The following SLC16A1 variants were observed in gnomAD, a reference collection of about 807,000 sequenced individuals.
SLC16A1 encodes monocarboxylate transporter 1.
SLC16A1 carries 11 observed loss-of-function variants against 32.2 expected under a neutral mutation model. The ratio of observed to expected loss-of-function variants is 0.34; its 90% CI spans 0.21 to 0.56. SLC16A1 has a LOEUF of 0.56. SLC16A1 is among the 20% of genes least tolerant of loss of function. The pLI is 0.87. For missense variants in SLC16A1, 435 were observed against 615.0 expected, an observed-to-expected ratio of 0.71 and a Z score of 3.10; for synonymous variants, 231 against 226.8, an observed-to-expected ratio of 1.02 and a Z score of -0.17.
intron 1 of SLC16A1, among the ~76,000 whole-genome samples, chr1:112,936,363 C>G (rs1367421160): frequency 6.6e-6 from 1 of 150,884 alleles, no homozygotes; most frequent in African/African-American, 2.4e-5. Context: ...CAAAAATTAG[C>G]TGGGCATGGC....
intron 1 of SLC16A1, among the ~76,000 whole-genome samples, chr1:112,936,458 G>C (rs1419845173): frequency 3.0e-5 from 4 of 131,992 alleles, no homozygotes. Context: ...CTCAGTCTAG[G>C]TGACACAGCA....
intron 2 of SLC16A1, chr1:112,924,321 G>C (rs1443090423): frequency 7.3e-7 from 1 of 1,364,020 alleles, no homozygotes; most frequent in South Asian, 1.2e-5. Context: ...GGTTGCTCAC[G>C]AATGTCCCAA....
intron 1 of SLC16A1, among the ~76,000 whole-genome samples, chr1:112,943,488 C>T (rs1427025746): frequency 6.6e-6 from 1 of 152,090 alleles, no homozygotes; most frequent in Non-Finnish European, 1.5e-5. Context: ...ATTGTTTTTG[C>T]AATTAAAATT....
In SLC16A1 at chr1:112,932,743, G is replaced by A. The variant is rs535660303; in HGVS notation, c.-44-3391C>T. On this transcript the variant is annotated intron_variant, in intron 1 of 4. Coordinates refer to ENST00000369626, the MANE Select transcript of SLC16A1 (RefSeq NM_003051.4). ...CAGGAGGCAGAGGTTGCAGTGAGCC[G>A]AGATCGCGCCATTGCACTCCAGCCT... Among the ~76,000 whole-genome samples the A allele has an allele frequency of 3.7e-3, 510 of 136,348 alleles. 6 individuals carry two copies. Among genetic ancestry groups the A allele is most frequent in the African/African-American group, 0.013 (474 of 35,872 alleles). The allele number at this position is 136,348 out of a possible 152,430, so 89.4% of individuals were successfully genotyped here. A position where few individuals can be genotyped will look rare whatever the true frequency, so the allele number is the denominator to read the frequency against.
Position 112,912,767 on chromosome 1 carries a change from G to C in SLC16A1, c.*1124C>G, listed in dbSNP as rs1648364871. The C allele has an allele frequency of 6.6e-6, 1 of 151,154 alleles. No homozygotes were observed. The highest frequency in any genetic ancestry group is 2.4e-5 in the African/African-American group (1 of 41,094). The allele number at this position is 151,154 out of a possible 1,614,324, so 9.4% of individuals were successfully genotyped here. A position where few individuals can be genotyped will look rare whatever the true frequency, so the allele number is the denominator to read the frequency against. ...AATCCTATCTTTATTCGTTTGCCTGGTGCCAAATTTTTCTGGCCCTTTTTA... is the reference window on the plus strand; with the variant it reads ...AATCCTATCTTTATTCGTTTGCCTGCTGCCAAATTTTTCTGGCCCTTTTTA... On this transcript the variant is annotated 3_prime_UTR_variant, in exon 5 of 5. Transcript: ENST00000369626.
rs757326315 is a variant in SLC16A1, at chr1:112,929,270, G to C, written c.39C>G (p.Pro13=). 1.9e-6 allele frequency: 3 copies of C among 1,614,088 alleles called. No homozygotes were observed. Among genetic ancestry groups the C allele is most frequent in the South Asian group, 1.1e-5 (1 of 91,080 alleles). ...CTGCCCAGCCCCAGCCTCCATCTGGGGGGGTGTATCCAACTGGACCTCCAA... is the reference window on the plus strand; with the variant it reads ...CTGCCCAGCCCCAGCCTCCATCTGGCGGGGTGTATCCAACTGGACCTCCAA... ...PAVGGPVGYT[P]PDGGWGWAVV... is the part of the protein sequence containing the mutation. The change falls in exon 2 of 5, where the codon CCC becomes CCG. Residue 13 remains proline (P), a synonymous_variant. Transcript: ENST00000369626.
intron 1 of SLC16A1, among the ~76,000 whole-genome samples, chr1:112,941,738 CTG>C (rs1329287338): frequency 6.6e-6 from 1 of 152,202 alleles, no homozygotes; most frequent in Non-Finnish European, 1.5e-5. Flanking sequence ...ACATTTGTAA[CTG>C]TCCTCATCTC....
In SLC16A1 at chr1:112,914,021, T is replaced by C. The variant is rs756500531; in HGVS notation, c.1373A>G (p.Lys458Arg). 2.4e-5 allele frequency: 39 copies of C among 1,614,080 alleles called. No homozygotes were observed. The highest frequency in any genetic ancestry group is 3.1e-5 in the Non-Finnish European group (37 of 1,180,036). Residue 458 changes from lysine (K) to arginine (R), a missense_variant, in exon 5 of 5, where the codon AAA becomes AGA. Lys to Arg is a conservative substitution (Grantham distance 26). Around this residue, in one of 2 missense-constraint regions of SLC16A1, gnomAD observed 111 missense variants for 114.7 expected, o/e 0.97. Transcript: ENST00000369626. ...GGTCTCTTCCTCTTTACTTTCCTTT[T>C]TCTGCTCGTTTGCTTTCTGTTCTTT... ...LAKEQKANEQ[K>R]KESKEEETSI...
chr1:112,941,378 T>C (rs1649507992), intron 1 of SLC16A1, among the ~76,000 whole-genome samples: 1 of 151,692 alleles, frequency 6.6e-6, no homozygotes, highest in Admixed American at 6.6e-5. Flanking sequence ...GCCTCCTGGA[T>C]TCAAGCAATT....
At chr1:112,919,011 TTTTATTTATTTATTTA>T (rs55675593) in intron 3 of SLC16A1, among the ~76,000 whole-genome samples, 1 of 144,224 alleles carries the variant, frequency 6.9e-6, no homozygotes, top group Non-Finnish European at 1.5e-5. Flanking sequence ...TACTAATTTA[TTTTATTTATTTATTTA>T]TTTATTTATT....
At chr1:112,930,237 T>C (rs1649083041) in intron 1 of SLC16A1, among the ~76,000 whole-genome samples, 1 of 152,144 alleles carries the variant, frequency 6.6e-6, no homozygotes, top group Non-Finnish European at 1.5e-5. Context: ...GGCCTTAACC[T>C]GCGATCTAAC....
intron 1 of SLC16A1, among the ~76,000 whole-genome samples, chr1:112,948,247 G>C (rs1360740721): frequency 6.6e-6 from 1 of 151,872 alleles, no homozygotes. Context: ...AAAAAAAAAA[G>C]AGAAAAGTTC....
At chr1:112,954,081 A>G (rs1257567700) in intron 1 of SLC16A1, among the ~76,000 whole-genome samples, 1 of 152,218 alleles carries the variant, frequency 6.6e-6, no homozygotes, top group East Asian at 1.9e-4. Context: ...CGAACATATA[A>G]AATTCACAAC....
intron 3 of SLC16A1, among the ~76,000 whole-genome samples, chr1:112,919,991 G>A (rs2101624103): frequency 6.6e-6 from 1 of 152,228 alleles, no homozygotes; most frequent in South Asian, 2.1e-4. Context: ...GAGTGTAACT[G>A]CCTGACTTGT....
chr1:112,924,349 A>G (rs1648858798), intron 2 of SLC16A1: 3 of 1,295,002 alleles, frequency 2.3e-6, no homozygotes, highest in South Asian at 1.2e-5. Context: ...CACTAGGCCC[A>G]TCGTTTCTCA....
intron 3 of SLC16A1, 55 bp from the exon 4 acceptor site, chr1:112,918,099 AATAATAAGAGGT>A: frequency 1.1e-6 from 1 of 939,900 alleles, no homozygotes; most frequent in Non-Finnish European, 1.4e-6. Flanking sequence ...TAAATAAATA[AATAATAAGAGGT>A]ATAAATAATG....
intron 1 of SLC16A1, among the ~76,000 whole-genome samples, chr1:112,944,458 A>C (rs559613679): frequency 6.6e-6 from 1 of 152,296 alleles, no homozygotes; most frequent in South Asian, 2.1e-4. Context: ...CGAAAAACAA[A>C]GCCCCACAAA....
intron 2 of SLC16A1, 164 bp from the exon 3 acceptor site, chr1:112,922,297 G>C (rs1648764927): frequency 1.5e-6 from 1 of 670,810 alleles, no homozygotes. Context: ...CTAAAATAAA[G>C]ATGTTAGAAA....
At chr1:112,916,260 G>A (rs1247878509) in intron 4 of SLC16A1, among the ~76,000 whole-genome samples, 1 of 151,074 alleles carries the variant, frequency 6.6e-6, no homozygotes, top group African/African-American at 2.4e-5. Flanking sequence ...AGCACTTTGG[G>A]AGGCCAAGGC....
Sources: gnomAD v4.1 joint callset for allele counts (sites outside exome capture counted in the v4.1 genomes callset) on GRCh38, gnomAD v4.1.1 for gene constraint, gnomAD v4.1.1 regional missense constraint, MANE v1.5 for transcripts, NCBI Gene and HGNC (gene_info 2026-07-23, HGNC 2026-07-21) for gene names.